Variants in STXBP5L observed in about 807,000 individuals in gnomAD.
STXBP5L encodes the protein syntaxin binding protein 5L, also known as syntaxin-binding protein 5-like.
STXBP5L carries 65 observed loss-of-function variants against 144.5 expected under a neutral mutation model. The observed-to-expected ratio is 0.45, with a 90% CI of 0.37 to 0.55. The LOEUF (loss-of-function observed/expected upper bound fraction) is 0.55, where lower values mean the gene tolerates loss of function less well. Among genes scored for constraint, STXBP5L ranks in the 20% least tolerant of loss-of-function variants. The probability of loss-of-function intolerance (pLI) is 0.00; values close to 1 mark genes in which losing one functional copy is unlikely to be tolerated. For synonymous variants in STXBP5L, 505 were observed against 469.6 expected (o/e 1.08, Z -0.97); for missense variants, 1,298 against 1,405.5 (o/e 0.92, Z 1.22).
intron 3 of STXBP5L, among the ~76,000 whole-genome samples, chr3:121,006,795 C>A (rs537854612): frequency 1.8e-4 from 27 of 152,188 alleles, no homozygotes; most frequent in Non-Finnish European, 3.8e-4. Context: ...GATTTTATTT[C>A]ACCTTCACTT....
chr3:121,254,898 C>A lies in STXBP5L; in HGVS notation c.1445C>A (p.Thr482Asn). Residue 482 changes from threonine (T) to asparagine (N), a missense_variant, in exon 16 of 27, where the codon ACT becomes AAT. Transcript: ENST00000471454. ...SIKFWDASAITLQMLYKLKTS... is the reference protein window; with the variant it reads ...SIKFWDASAINLQMLYKLKTS... Reference sequence around the variant, plus strand: ...ACTGTGCTTCGATGTCTTATAGTAACTCTGCAGATGCTGTACAAGCTAAAA... The same window carrying A: ...ACTGTGCTTCGATGTCTTATAGTAAATCTGCAGATGCTGTACAAGCTAAAA... The A allele has an allele frequency of 6.2e-7, 1 of 1,606,628 alleles. No individual in the cohort carries two copies.
At chr3:121,058,592 A>G (rs1049374026) in intron 5 of STXBP5L, among the ~76,000 whole-genome samples, 2 of 152,208 alleles carry the variant, frequency 1.3e-5, no homozygotes, top group Non-Finnish European at 2.9e-5. Flanking sequence ...ACTCCCACCA[A>G]CAGTGTAAAA....
At chr3:121,139,721 C>T (rs1240622745) in intron 7 of STXBP5L, among the ~76,000 whole-genome samples, 3 of 151,976 alleles carry the variant, frequency 2.0e-5, no homozygotes, top group African/African-American at 7.2e-5. Context: ...TGCAACCAGT[C>T]AGGATTAATT....
chr3:121,036,792 T>A lies in STXBP5L; in HGVS notation c.288-4908T>A, dbSNP rs932037114. On this transcript the variant is annotated intron_variant, in intron 3 of 26. Coordinates refer to ENST00000471454, the MANE Select transcript of STXBP5L (RefSeq NM_001308330.2). ...GATTGATTTTTTTTTTTTTTTTTTTTATTATACTCTAAGTTTTAGGGTACA... is the reference window on the plus strand; with the variant it reads ...GATTGATTTTTTTTTTTTTTTTTTTAATTATACTCTAAGTTTTAGGGTACA... Among the ~76,000 whole-genome samples, 20 of 116,094 alleles carry A rather than the reference T, an allele frequency of 1.7e-4. No individual in the cohort carries two copies. In the East Asian group the frequency reaches 2.6e-3, roughly 15 times the overall value. 76.2% of individuals were successfully genotyped at this position (116,094 alleles called of 152,430 possible).
chr3:121,202,707 A>G (rs1039118137), intron 9 of STXBP5L, among the ~76,000 whole-genome samples: 2 of 151,960 alleles, frequency 1.3e-5, no homozygotes, highest in African/African-American at 2.4e-5. Flanking sequence ...TTCTTCTACT[A>G]TTTTAAATAT....
chr3:121,187,411 G>A (rs1347782615), intron 9 of STXBP5L, among the ~76,000 whole-genome samples: 5 of 133,472 alleles, frequency 3.7e-5, no homozygotes, highest in Middle Eastern at 3.7e-3. Flanking sequence ...TAGGGTGGGG[G>A]GAGCGGGGAG....
At chr3:121,370,120 C>T (rs113571819) in intron 20 of STXBP5L, among the ~76,000 whole-genome samples, 1 of 152,130 alleles carries the variant, frequency 6.6e-6, no homozygotes, top group Non-Finnish European at 1.5e-5. Flanking sequence ...AAATCCAGCA[C>T]TTTGGGAGGT....
At chr3:121,027,338 A>T (rs1920546) in intron 3 of STXBP5L, among the ~76,000 whole-genome samples, 15,094 of 152,080 alleles carry the variant, frequency 0.099, 1,181 homozygotes, top group Admixed American at 0.2. Flanking sequence ...CCCGTGGGAT[A>T]TCAGGGTCAA....
chr3:121,113,129 A>G lies in STXBP5L; in HGVS notation c.471-1796A>G, dbSNP rs148896876. ...AGTTACTAGTTCAAGGAATAGTTCTAGTTCTGTCTCATTACTGAAACCTGG... is the reference window on the plus strand; with the variant it reads ...AGTTACTAGTTCAAGGAATAGTTCTGGTTCTGTCTCATTACTGAAACCTGG... On this transcript the variant is annotated intron_variant, in intron 5 of 26. Transcript: ENST00000471454. Among the ~76,000 whole-genome samples the G allele has an allele frequency of 5.6e-4, 86 of 152,294 alleles. No homozygotes were observed. The East Asian group carries it at 0.015, about 26-fold the overall frequency.
intron 22 of STXBP5L, among the ~76,000 whole-genome samples, chr3:121,406,478 T>C (rs902146104): frequency 2.0e-5 from 3 of 152,002 alleles, no homozygotes; most frequent in African/African-American, 7.2e-5. Context: ...TCTGGAAATA[T>C]CCAAAGATCA....
chr3:121,095,204 C>G (rs899473280), intron 5 of STXBP5L, among the ~76,000 whole-genome samples: 1 of 152,180 alleles, frequency 6.6e-6, no homozygotes, highest in Non-Finnish European at 1.5e-5. Flanking sequence ...ACCTCTCTCT[C>G]TGGCTGCCTT....
chr3:120,991,223 T>C (rs1167479292), intron 3 of STXBP5L, among the ~76,000 whole-genome samples: 2 of 99,156 alleles, frequency 2.0e-5, no homozygotes, highest in African/African-American at 7.7e-5. Flanking sequence ...AAAAGACACA[T>C]GAAAAAATGC....
In STXBP5L at chr3:121,207,544, C is replaced by T. The variant is rs139658029; in HGVS notation, c.956+1543C>T. Among the ~76,000 whole-genome samples, 380 of 152,232 alleles carry T rather than the reference C, an allele frequency of 2.5e-3. 2 individuals are homozygous for T. Among genetic ancestry groups the T allele is most frequent in the African/African-American group, 8.6e-3 (357 of 41,550 alleles). On this transcript the variant is annotated intron_variant, in intron 10 of 26. Coordinates refer to ENST00000471454, the MANE Select transcript of STXBP5L (RefSeq NM_001308330.2). ...AGAAACTACCATCATAGTGAACAGG[C>T]AACCTACAGAATGAGAGAAAATTTT...
intron 9 of STXBP5L, among the ~76,000 whole-genome samples, chr3:121,175,629 T>C (rs1206241011): frequency 6.6e-6 from 1 of 151,430 alleles, no homozygotes; most frequent in Non-Finnish European, 1.5e-5. Flanking sequence ...AAATGCTCAA[T>C]TAAACCCATA....
intron 9 of STXBP5L, among the ~76,000 whole-genome samples, chr3:121,190,333 T>G (rs144050849): frequency 0.099 from 15,098 of 152,176 alleles, 1,184 homozygotes; most frequent in Admixed American, 0.2. Flanking sequence ...ATTTAACCCT[T>G]AGTGGACACA....
chr3:121,264,475 CA>C (rs917859030), intron 18 of STXBP5L, among the ~76,000 whole-genome samples: 4 of 151,940 alleles, frequency 2.6e-5, no homozygotes, highest in Admixed American at 2.6e-4. Context: ...ATAAAACTCC[CA>C]TGGAGTTTTG....
intron 3 of STXBP5L, 80 bp from the exon 4 acceptor site, chr3:121,041,620 T>C: frequency 9.5e-7 from 1 of 1,056,388 alleles, no homozygotes; most frequent in Non-Finnish European, 1.5e-6. Context: ...AAAACATCTG[T>C]TGATCAATAA....
intron 3 of STXBP5L, 128 bp from the exon 4 acceptor site, chr3:121,041,572 T>A (rs1265124354): frequency 6.1e-6 from 4 of 651,626 alleles, no homozygotes; most frequent in Non-Finnish European, 1.1e-5. Flanking sequence ...AGAGTAAGAT[T>A]TTTCAACTAT....
chr3:121,190,200 T>C (rs2047584802), intron 9 of STXBP5L, among the ~76,000 whole-genome samples: 1 of 152,216 alleles, frequency 6.6e-6, no homozygotes, highest in South Asian at 2.1e-4. Flanking sequence ...CAGAGGGCCC[T>C]GCGGCCTTCC....
Sources: allele counts gnomAD v4.1 joint callset (sites outside exome capture counted in the v4.1 genomes callset), GRCh38; gene constraint gnomAD v4.1.1; transcripts MANE v1.5; gene names NCBI Gene and HGNC (gene_info 2026-07-23, HGNC 2026-07-21).